The following COL24A1 variants were observed in gnomAD, a reference collection of about 807,000 sequenced individuals.
COL24A1 encodes collagen alpha-1(XXIV) chain.
Under a neutral mutation model 253.9 loss-of-function variants are expected in COL24A1, and 224 were observed. The observed-to-expected ratio is 0.88, with a 90% CI of 0.79 to 0.99. COL24A1 has a LOEUF of 0.99. Among genes scored for constraint, COL24A1 ranks in the 50% least tolerant of loss-of-function variants. COL24A1 has a pLI of 0.00. For synonymous variants in COL24A1, 685 were observed against 673.7 expected (o/e 1.02, Z -0.26); for missense variants, 2,131 against 2,068.5 (o/e 1.03, Z -0.59).
intron 59 of COL24A1, 64 bp downstream of exon 59, chr1:85,734,684 AT>A: frequency 7.0e-7 from 1 of 1,424,234 alleles, no homozygotes; most frequent in Non-Finnish European, 9.9e-7. Flanking sequence ...AATTATCCTA[AT>A]TTTATGGTTT....
intron 25 of COL24A1, among the ~76,000 whole-genome samples, chr1:85,910,646 T>C (rs1685277369): frequency 6.6e-6 from 1 of 152,022 alleles, no homozygotes; most frequent in Middle Eastern, 3.4e-3. Context: ...ACATTGTTAG[T>C]AAAAAATCAA....
intron 24 of COL24A1, among the ~76,000 whole-genome samples, chr1:85,923,032 G>T (rs543653384): frequency 6.6e-6 from 1 of 151,912 alleles, no homozygotes; most frequent in African/African-American, 2.4e-5. Flanking sequence ...AGTCTCTGAT[G>T]AAACAGACTT....
At chr1:85,841,924 A>T in intron 41 of COL24A1, 144 bp downstream of exon 41, 1 of 627,424 alleles carries the variant, frequency 1.6e-6, no homozygotes, top group Non-Finnish European at 2.8e-6. Flanking sequence ...CTTGATATTT[A>T]TTTTTTTCTT....
At chr1:85,756,928 T>C (rs1570473025) in intron 55 of COL24A1, among the ~76,000 whole-genome samples, 1 of 152,180 alleles carries the variant, frequency 6.6e-6, no homozygotes, top group Non-Finnish European at 1.5e-5. Context: ...CCTGAAGATA[T>C]TACGTTAAGT....
chr1:85,918,299 G>A (rs1397702931), intron 24 of COL24A1, among the ~76,000 whole-genome samples: 1 of 151,866 alleles, frequency 6.6e-6, no homozygotes, highest in African/African-American at 2.4e-5. Flanking sequence ...TATAAGATAG[G>A]GATCCAGTTT....
At chr1:86,103,609 G>T (rs1414086248) in intron 5 of COL24A1, among the ~76,000 whole-genome samples, 1 of 152,178 alleles carries the variant, frequency 6.6e-6, no homozygotes, top group African/African-American at 2.4e-5. Context: ...TTGCTTGTCT[G>T]AAAAGGATCT....
Position 86,022,506 on chromosome 1 carries a change from T to C in COL24A1, c.2202+32A>G, listed in dbSNP as rs769093976. The stretch of plus-strand genomic sequence containing the variant: ...TTTCTTTTGAATTTACACTTTTTCA[T>C]ATTTACATAAAATTAATGGTATAAA... On this transcript the variant is annotated intron_variant, in intron 17 of 59. Transcript: ENST00000370571. The C allele has an allele frequency of 8.3e-6, 13 of 1,566,380 alleles. No homozygotes were observed. The South Asian group carries it at 1.3e-4, about 15-fold the overall frequency.
In COL24A1 at chr1:85,877,180, A is replaced by G; in HGVS notation, c.2977-5T>C. ...ACCTTGCAGTCCTCGCAGTCCCTAT[A>G]TTAAAATAAAATTTAAGATATGAGA... On this transcript the variant is annotated splice_region_variant and splice_polypyrimidine_tract_variant and intron_variant, in intron 32 of 59. Coordinates refer to ENST00000370571, the MANE Select transcript of COL24A1 (RefSeq NM_152890.7). 1 of 1,589,040 alleles carries G rather than the reference A, an allele frequency of 6.3e-7. No individual in the cohort carries two copies. The highest frequency in any genetic ancestry group is 8.6e-7 in the Non-Finnish European group (1 of 1,168,682).
intron 1 of COL24A1, among the ~76,000 whole-genome samples, chr1:86,152,482 C>G (rs1652906350): frequency 6.6e-6 from 1 of 152,048 alleles, no homozygotes; most frequent in South Asian, 2.1e-4. Flanking sequence ...GGTCCCATCC[C>G]CAAGATATCT....
chr1:85,886,007 T>A (rs1027665729), intron 32 of COL24A1, among the ~76,000 whole-genome samples: 2 of 151,988 alleles, frequency 1.3e-5, no homozygotes, highest in African/African-American at 4.8e-5. Context: ...GATTTTTAAA[T>A]CTTTTTTAGG....
At chr1:86,083,805 T>G (rs566468422) in intron 7 of COL24A1, among the ~76,000 whole-genome samples, 2 of 152,186 alleles carry the variant, frequency 1.3e-5, no homozygotes, top group African/African-American at 2.4e-5. Flanking sequence ...ATTCATTCAC[T>G]CATAATATGT....
chr1:85,896,174 G>A, intron 29 of COL24A1, 109 bp from the exon 30 acceptor site: 1 of 1,253,226 alleles, frequency 8.0e-7, no homozygotes, highest in African/African-American at 1.5e-5. Context: ...TAAGTATATA[G>A]TTCATTATTG....
chr1:85,953,708 C>T (rs893858272), intron 24 of COL24A1, among the ~76,000 whole-genome samples: 1 of 152,132 alleles, frequency 6.6e-6, no homozygotes, highest in Non-Finnish European at 1.5e-5. Flanking sequence ...ACATGAGACA[C>T]ACATATTTGT....
At chr1:85,852,047 G>T (rs1255632908) in intron 37 of COL24A1, among the ~76,000 whole-genome samples, 1 of 152,100 alleles carries the variant, frequency 6.6e-6, no homozygotes, top group Non-Finnish European at 1.5e-5. Flanking sequence ...TTAAGATTTT[G>T]ATTTTAACAG....
chr1:86,012,457 C>T (rs1165786948), intron 19 of COL24A1, among the ~76,000 whole-genome samples: 1 of 152,080 alleles, frequency 6.6e-6, no homozygotes, highest in Non-Finnish European at 1.5e-5. Flanking sequence ...GGTGTGGTGG[C>T]ATGCGCCTGT....
intron 4 of COL24A1, among the ~76,000 whole-genome samples, chr1:86,114,309 A>T (rs554875295): frequency 2.0e-5 from 3 of 152,348 alleles, no homozygotes; most frequent in East Asian, 3.9e-4. Context: ...AAAGTAAAAA[A>T]GTAAACTGCC....
At chr1:86,107,679 C>G (rs1025922688) in intron 5 of COL24A1, among the ~76,000 whole-genome samples, 1 of 151,964 alleles carries the variant, frequency 6.6e-6, no homozygotes, top group Admixed American at 6.5e-5. Flanking sequence ...GGACTACAGG[C>G]GCCTCCCACC....
chr1:86,038,513 A>G (rs1219061766), intron 12 of COL24A1, among the ~76,000 whole-genome samples: 2 of 152,118 alleles, frequency 1.3e-5, no homozygotes, highest in East Asian at 3.8e-4. Context: ...AAACATTATT[A>G]AACTGTGGTA....
chr1:85,798,640 C>T (rs1558166781), intron 47 of COL24A1, among the ~76,000 whole-genome samples: 1 of 152,238 alleles, frequency 6.6e-6, no homozygotes, highest in East Asian at 1.9e-4. Context: ...GATGGTGGTC[C>T]TACTACAAAG....
Sources: allele counts gnomAD v4.1 joint callset (sites outside exome capture counted in the v4.1 genomes callset), GRCh38; gene constraint gnomAD v4.1.1; transcripts MANE v1.5; gene names NCBI Gene and HGNC (gene_info 2026-07-23, HGNC 2026-07-21).